The following SLC24A2 variants were observed in gnomAD, a reference collection of about 807,000 sequenced individuals.
The protein encoded by SLC24A2 is sodium/potassium/calcium exchanger 2.
A neutral mutation model predicts 62.0 loss-of-function variants in SLC24A2; 36 were observed. The ratio of observed to expected loss-of-function variants is 0.58; its 90% CI spans 0.44 to 0.77. The LOEUF is 0.77. SLC24A2 is among the 30% of genes least tolerant of loss of function. The pLI is 0.00. For synonymous variants in SLC24A2, 358 were observed against 294.0 expected, an observed-to-expected ratio of 1.22 and a Z score of -2.23; for missense variants, 846 against 817.9, an observed-to-expected ratio of 1.03 and a Z score of -0.42.
At chr9:20,114,286 A>T in the SLC24A2 span, among the ~76,000 whole-genome samples, 2 of 152,158 alleles carry the variant, frequency 1.3e-5, no homozygotes, top group Non-Finnish European at 2.9e-5. Context: ...ACACAGGGCC[A>T]GGAAAAGTCT....
the SLC24A2 span, among the ~76,000 whole-genome samples, chr9:19,849,000 C>T: frequency 1.3e-5 from 2 of 152,318 alleles, no homozygotes; most frequent in South Asian, 4.1e-4. Context: ...AAGGGAAGCA[C>T]ACCCTAGAGT....
At chr9:19,789,307 T>G (rs1357303337), upstream of SLC24A2, among the ~76,000 whole-genome samples, 1 of 152,224 alleles carries the variant, frequency 6.6e-6, no homozygotes, top group Non-Finnish European at 1.5e-5. Flanking sequence ...TCACAAAGCC[T>G]GAAAGTGCTG....
intron 8 of SLC24A2, among the ~76,000 whole-genome samples, chr9:19,539,416 G>A (rs1428049135): frequency 3.3e-5 from 5 of 151,810 alleles, no homozygotes; most frequent in African/African-American, 7.3e-5. Context: ...CTTTGTTCTC[G>A]CTGGTTTCGA....
At chr9:19,550,909 T>A (rs1356746196) in intron 7 of SLC24A2, among the ~76,000 whole-genome samples, 1 of 152,168 alleles carries the variant, frequency 6.6e-6, no homozygotes, top group Non-Finnish European at 1.5e-5. Flanking sequence ...ATGCATTGAA[T>A]GTGTAATGAT....
the SLC24A2 span, among the ~76,000 whole-genome samples, chr9:20,113,120 T>A: frequency 6.6e-6 from 1 of 152,162 alleles, no homozygotes; most frequent in Non-Finnish European, 1.5e-5. Flanking sequence ...AGTATCTCCA[T>A]GTCTTTTTGC....
At chr9:20,018,158 AG>A in the SLC24A2 span, among the ~76,000 whole-genome samples, 2 of 152,274 alleles carry the variant, frequency 1.3e-5, no homozygotes, top group Middle Eastern at 3.4e-3. Flanking sequence ...CATGTTAGCC[AG>A]GATGATTTTG....
chr9:20,063,601 C>A, the SLC24A2 span, among the ~76,000 whole-genome samples: 2 of 151,806 alleles, frequency 1.3e-5, no homozygotes, highest in Non-Finnish European at 2.9e-5. Context: ...ATGTAACTAA[C>A]CTGCACATTG....
chr9:20,089,325 C>T, the SLC24A2 span, among the ~76,000 whole-genome samples: 2 of 152,234 alleles, frequency 1.3e-5, no homozygotes, highest in East Asian at 1.9e-4. Flanking sequence ...CCTGGGACTC[C>T]AGCACAACCA....
At chr9:19,691,355 C>T (rs1256258976) in intron 2 of SLC24A2, among the ~76,000 whole-genome samples, 1 of 152,090 alleles carries the variant, frequency 6.6e-6, no homozygotes, top group Non-Finnish European at 1.5e-5. Flanking sequence ...TGTGAAATCT[C>T]CCATGGGCAG....
chr9:19,680,381 C>T (rs1304809077), intron 2 of SLC24A2, among the ~76,000 whole-genome samples: 1 of 151,972 alleles, frequency 6.6e-6, no homozygotes, highest in Non-Finnish European at 1.5e-5. Flanking sequence ...CAGATGACCA[C>T]AGCCAGGCAA....
At chr9:19,720,690 C>CG (rs767086893) in intron 2 of SLC24A2, among the ~76,000 whole-genome samples, 4 of 31,666 alleles carry the variant, frequency 1.3e-4, no homozygotes, top group African/African-American at 4.8e-4. Context: ...ACAATGACAA[C>CG]CCCCCCCCCC....
the SLC24A2 span, among the ~76,000 whole-genome samples, chr9:19,844,155 G>A: frequency 4.6e-5 from 7 of 152,292 alleles, no homozygotes; most frequent in African/African-American, 1.7e-4. Flanking sequence ...GTGTATAAAT[G>A]TTCCCTTTTC....
At chr9:19,913,313 C>T in the SLC24A2 span, among the ~76,000 whole-genome samples, 263 of 152,202 alleles carry the variant, frequency 1.7e-3, no homozygotes, top group African/African-American at 5.9e-3. Flanking sequence ...TTCTTAGAGA[C>T]GTGCCCACAT....
chr9:20,125,493 T>G, the SLC24A2 span, among the ~76,000 whole-genome samples: 5 of 152,178 alleles, frequency 3.3e-5, no homozygotes, highest in African/African-American at 1.2e-4. Context: ...AAACTTCCTA[T>G]ACATATAAGA....
the SLC24A2 span, among the ~76,000 whole-genome samples, chr9:20,224,558 G>T: frequency 2.0e-5 from 3 of 152,036 alleles, no homozygotes; most frequent in Non-Finnish European, 2.9e-5. Context: ...TATTGTAGAA[G>T]TTCATAGTCT....
At chr9:20,258,255 G>C in the SLC24A2 span, among the ~76,000 whole-genome samples, 1 of 152,238 alleles carries the variant, frequency 6.6e-6, no homozygotes, top group African/African-American at 2.4e-5. Context: ...TACCCAGATA[G>C]CTGGTAAAGC....
chr9:19,616,270 C>A (rs1319477202), intron 4 of SLC24A2, among the ~76,000 whole-genome samples: 1 of 152,134 alleles, frequency 6.6e-6, no homozygotes, highest in African/African-American at 2.4e-5. Flanking sequence ...TTAAGATGTG[C>A]TAGGCTGTGT....
At position 19,528,259 on chromosome 9, in the gene SLC24A2, T is replaced by C. The variant is rs371207372; in HGVS notation, c.1480-121A>G. On this transcript the variant is annotated intron_variant, in intron 8 of 10. Coordinates refer to ENST00000341998, the MANE Select transcript of SLC24A2 (RefSeq NM_020344.4). Reference sequence around the variant, plus strand: ...TAGCATTTCCTGCATCTTAGTAGGATTGGCAATCAAAAGACCCTACTCACT... The same window carrying C: ...TAGCATTTCCTGCATCTTAGTAGGACTGGCAATCAAAAGACCCTACTCACT... 5.5e-4 allele frequency: 403 copies of C among 736,412 alleles called. 6 individuals are homozygous for C. Among genetic ancestry groups the C allele is most frequent in the South Asian group, 5.2e-3 (349 of 67,268 alleles). The allele number at this position is 736,412 out of a possible 1,614,324, so 45.6% of individuals were successfully genotyped here.
chr9:20,001,062 T>G, the SLC24A2 span, among the ~76,000 whole-genome samples: 1 of 152,130 alleles, frequency 6.6e-6, no homozygotes, highest in African/African-American at 2.4e-5. Context: ...CACCCTCACT[T>G]TAAAAATAAA....
Sources: gnomAD v4.1 joint callset for allele counts (sites outside exome capture counted in the v4.1 genomes callset) on GRCh38, gnomAD v4.1.1 for gene constraint, MANE v1.5 for transcripts, NCBI Gene and HGNC (gene_info 2026-07-23, HGNC 2026-07-21) for gene names.